Variants in CEP128 observed in about 807,000 individuals in gnomAD.
CEP128 encodes the protein centrosomal protein 128kDa.
CEP128 carries 132 observed loss-of-function variants against 156.7 expected under a neutral mutation model. The observed-to-expected ratio is 0.84, with a 90% confidence interval of 0.73 to 0.97. The LOEUF (loss-of-function observed/expected upper bound fraction) is 0.97. CEP128 is among the 50% of genes least tolerant of loss of function. CEP128 has a pLI of 0.00. For synonymous variants in CEP128, 469 were observed against 448.9 expected, an observed-to-expected ratio of 1.04 and a Z score of -0.57; for missense variants, 1,252 against 1,281.9, an observed-to-expected ratio of 0.98 and a Z score of 0.36.
At chr14:80,590,198 T>G (rs1025753064) in intron 19 of CEP128, among the ~76,000 whole-genome samples, 2 of 152,120 alleles carry the variant, frequency 1.3e-5, no homozygotes, top group African/African-American at 4.8e-5. Context: ...AAGCATGTGT[T>G]TACACACCTG....
chr14:80,636,815 G>A (rs569172262), intron 19 of CEP128, among the ~76,000 whole-genome samples: 2 of 152,180 alleles, frequency 1.3e-5, no homozygotes, highest in Non-Finnish European at 2.9e-5. Flanking sequence ...GGCCAGGCAC[G>A]GTGGCTCACA....
chr14:80,543,454 A>G (rs542374547), intron 21 of CEP128, among the ~76,000 whole-genome samples: 1 of 152,360 alleles, frequency 6.6e-6, no homozygotes, highest in Admixed American at 6.5e-5. Context: ...AAGGTTAAGT[A>G]TGTTTGAGAT....
chr14:80,601,451 A>G (rs1892578223), intron 19 of CEP128, among the ~76,000 whole-genome samples: 1 of 152,164 alleles, frequency 6.6e-6, no homozygotes, highest in Admixed American at 6.5e-5. Flanking sequence ...AACAAAAATC[A>G]CAAAAAAATC....
intron 20 of CEP128, among the ~76,000 whole-genome samples, chr14:80,559,837 G>A (rs1890594299): frequency 6.6e-6 from 1 of 152,174 alleles, no homozygotes; most frequent in African/African-American, 2.4e-5. Context: ...AGCCAATCCT[G>A]AGCCCAGATA....
intron 6 of CEP128, among the ~76,000 whole-genome samples, chr14:80,491,069 A>G (rs976340134): frequency 1.3e-5 from 2 of 152,238 alleles, no homozygotes; most frequent in African/African-American, 4.8e-5. Context: ...CGTTGAACAA[A>G]AGGATACGTA....
Position 80,788,288 on chromosome 14 carries a change from CTTTTT to C in CEP128, c.1561-2748_1561-2744del, listed in dbSNP as rs10628361. 1.3e-4 allele frequency among the ~76,000 whole-genome samples: 13 copies of C among 97,250 alleles called. No individual in the cohort carries two copies. The South Asian group carries it at 2.7e-3, about 21-fold the overall frequency. 63.8% of individuals were successfully genotyped at this position (97,250 alleles called of 152,430 possible). A position where few individuals can be genotyped will look rare whatever the true frequency, so the allele number is the denominator to read the frequency against. ...TGGGTTCTCTTTGTCTGGCCAGGAT[CTTTTT>C]TTTTTTTTTTTTTTTTTCTGTTTCC... On this transcript the variant is annotated intron_variant, in intron 14 of 24. Transcript: ENST00000555265.
intron 2 of CEP128, among the ~76,000 whole-genome samples, chr14:80,936,718 T>C (rs1885827828): frequency 6.6e-6 from 1 of 152,154 alleles, no homozygotes; most frequent in Non-Finnish European, 1.5e-5. Flanking sequence ...AGTCCAGTTG[T>C]AAAAGACTCA....
At chr14:80,649,079 G>A (rs1894783214) in intron 19 of CEP128, among the ~76,000 whole-genome samples, 1 of 152,052 alleles carries the variant, frequency 6.6e-6, no homozygotes, top group Admixed American at 6.6e-5. Flanking sequence ...GAGTAGAAAA[G>A]GTTAAGATTT....
At chr14:80,840,486 A>T (rs1376557595) in intron 10 of CEP128, among the ~76,000 whole-genome samples, 196 bp downstream of exon 10, 1 of 152,168 alleles carries the variant, frequency 6.6e-6, no homozygotes, top group Non-Finnish European at 1.5e-5. Flanking sequence ...ATGACAAGGT[A>T]GCAAACAACT....
At chr14:80,558,539 C>T (rs1206564792) in intron 21 of CEP128, among the ~76,000 whole-genome samples, 1 of 152,124 alleles carries the variant, frequency 6.6e-6, no homozygotes, top group African/African-American at 2.4e-5. Context: ...CCACCCGCCT[C>T]GGCCTCCCAA....
chr14:80,855,048 A>G (rs1203723157), intron 9 of CEP128, among the ~76,000 whole-genome samples: 1 of 152,170 alleles, frequency 6.6e-6, no homozygotes, highest in African/African-American at 2.4e-5. Context: ...GTGTGGCTCA[A>G]AATAAGCCCC....
At chr14:80,914,082 G>A (rs937330616) in intron 4 of CEP128, among the ~76,000 whole-genome samples, 1 of 152,098 alleles carries the variant, frequency 6.6e-6, no homozygotes, top group African/African-American at 2.4e-5. Flanking sequence ...TTAAATTCAT[G>A]TCTTGAATTC....
intron 15 of CEP128, among the ~76,000 whole-genome samples, chr14:80,781,316 G>A (rs531043007): frequency 6.6e-6 from 1 of 152,150 alleles, no homozygotes; most frequent in Non-Finnish European, 1.5e-5. Flanking sequence ...AATTAGCTGG[G>A]CGTGGTGGTG....
intron 2 of CEP128, among the ~76,000 whole-genome samples, chr14:80,920,099 A>T (rs1884773824): frequency 6.6e-6 from 1 of 152,224 alleles, no homozygotes; most frequent in South Asian, 2.1e-4. Flanking sequence ...GATTATTTAC[A>T]TTGTTGATAA....
At chr14:80,595,770 G>A (rs1892287905) in intron 19 of CEP128, among the ~76,000 whole-genome samples, 1 of 152,172 alleles carries the variant, frequency 6.6e-6, no homozygotes, top group South Asian at 2.1e-4. Context: ...TGAACTCACA[G>A]TTCCACATGG....
intron 2 of CEP128, among the ~76,000 whole-genome samples, chr14:80,933,547 A>G: frequency 6.6e-6 from 1 of 152,164 alleles, no homozygotes; most frequent in East Asian, 1.9e-4. Flanking sequence ...TTATAAATGA[A>G]TGGGGTAGCT....
intron 21 of CEP128, among the ~76,000 whole-genome samples, chr14:80,554,842 G>C (rs1890362044): frequency 6.7e-6 from 1 of 150,258 alleles, no homozygotes; most frequent in African/African-American, 2.4e-5. Flanking sequence ...GTTTTCTTTA[G>C]GTTTTACTCT....
intron 13 of CEP128, among the ~76,000 whole-genome samples, chr14:80,794,591 T>A (rs1429500043): frequency 6.6e-6 from 1 of 152,192 alleles, no homozygotes; most frequent in African/African-American, 2.4e-5. Flanking sequence ...TGATTCCTGA[T>A]CAAAAGAGAA....
intron 21 of CEP128, among the ~76,000 whole-genome samples, chr14:80,535,615 T>TCACACA (rs34455428): frequency 3.9e-4 from 58 of 149,780 alleles, no homozygotes; most frequent in African/African-American, 1.4e-3. Context: ...ATGCACACAC[T>TCACACA]CACACACACA....
Sources: gnomAD v4.1 joint callset for allele counts (sites outside exome capture counted in the v4.1 genomes callset) on GRCh38, gnomAD v4.1.1 for gene constraint, MANE v1.5 for transcripts, NCBI Gene and HGNC (gene_info 2026-07-23, HGNC 2026-07-21) for gene names.